TBC1D14: variants seen among roughly 807,000 people sequenced by gnomAD.
TBC1D14 encodes TBC1 domain family member 14.
TBC1D14 carries 26 observed loss-of-function variants against 79.0 expected under a neutral mutation model. The observed-to-expected ratio is 0.33, with a 90% confidence interval of 0.24 to 0.46. TBC1D14 has a LOEUF of 0.46. Among genes scored for constraint, TBC1D14 ranks in the 20% least tolerant of loss-of-function variants. TBC1D14 has a pLI of 1.00. For synonymous variants in TBC1D14, 394 were observed against 349.9 expected (o/e 1.13, Z -1.40); for missense variants, 769 against 887.6 (o/e 0.87, Z 1.70).
intron 11 of TBC1D14, 28 bp from the exon 12 acceptor site, chr4:7,014,418 TTC>T (rs750870187): frequency 5.5e-5 from 82 of 1,478,740 alleles, no homozygotes; most frequent in South Asian, 4.4e-4. Flanking sequence ...TGCAGATAGT[TTC>T]TGAGTAAATT....
chr4:6,954,401 CT>C, intron 2 of TBC1D14: 1 of 717,446 alleles, frequency 1.4e-6, no homozygotes, highest in South Asian at 1.5e-5. Flanking sequence ...GAAGCAGAGT[CT>C]TTCCTGCGTG....
chr4:6,948,679 C>T (rs965107366), intron 2 of TBC1D14, among the ~76,000 whole-genome samples: 67 of 150,068 alleles, frequency 4.5e-4, no homozygotes, highest in African/African-American at 1.6e-3. Flanking sequence ...TTCTTTTTGT[C>T]ATTCCGGTGA....
chr4:7,009,794 G>A (rs1015093000), intron 9 of TBC1D14, 83 bp from the exon 10 acceptor site: 34 of 1,355,778 alleles, frequency 2.5e-5, no homozygotes, highest in African/African-American at 1.7e-4. Context: ...GAGTGGCAGC[G>A]GCAGCAGTAG....
chr4:6,990,520 C>G (rs954493901), intron 3 of TBC1D14, among the ~76,000 whole-genome samples: 2 of 152,144 alleles, frequency 1.3e-5, no homozygotes, highest in Non-Finnish European at 2.9e-5. Context: ...TTTATTTTAC[C>G]TGTTAGTCTG....
rs1720670934 is a variant in TBC1D14 at position 7,010,717 on chromosome 4, T to C, written c.1583T>C (p.Ile528Thr). The C allele has an allele frequency of 2.5e-6, 4 of 1,614,178 alleles. No homozygotes were observed. Among genetic ancestry groups the C allele is most frequent in the Middle Eastern group, 1.6e-4 (1 of 6,062 alleles). ...ILNLDTADAF[I>T]AFSNLLNKPC... ...AACTTAGATACTGCAGATGCCTTTA[T>C]TGCCTTTTCTAACCTTCTGAATAAA... is the stretch of plus-strand genomic sequence containing the variant. Residue 528 changes from isoleucine to threonine, a missense_variant, in exon 11 of 14, where the codon ATT (isoleucine) becomes ACT (threonine). By Grantham distance (89) the Ile-to-Thr change is moderately conservative. Coordinates refer to ENST00000409757, the MANE Select transcript of TBC1D14 (RefSeq NM_020773.3).
In TBC1D14 at chr4:6,997,946, GGTT is replaced by G. The variant is rs1481022803; in HGVS notation, c.1046-1136_1046-1134del. Among the ~76,000 whole-genome samples the G allele has an allele frequency of 1.3e-4, 20 of 152,280 alleles. No individual in the cohort carries two copies. In the East Asian group the frequency reaches 3.9e-3, roughly 29 times the overall value. On this transcript the variant is annotated intron_variant, in intron 5 of 13. Coordinates refer to ENST00000409757, the MANE Select transcript of TBC1D14 (RefSeq NM_020773.3). ...AAGCTCTGGTGATGGATGGTGGTGT[GGTT>G]GTACAGTATGAATGTTCTTAATGCC...
chr4:7,014,115 C>T (rs1721056738), intron 11 of TBC1D14, among the ~76,000 whole-genome samples: 1 of 152,188 alleles, frequency 6.6e-6, no homozygotes, highest in South Asian at 2.1e-4. Context: ...ACAGGCTCCA[C>T]CTTTGCAGCG....
At chr4:6,956,619 G>T (rs1714666664) in intron 2 of TBC1D14, among the ~76,000 whole-genome samples, 1 of 152,228 alleles carries the variant, frequency 6.6e-6, no homozygotes, top group Non-Finnish European at 1.5e-5. Flanking sequence ...GGAGGCCCAG[G>T]GACCGGGGTT....
Position 7,032,193 on chromosome 4 carries a change from C to T in TBC1D14, c.*1801C>T, listed in dbSNP as rs1723123597. 1 of 152,650 alleles carries T rather than the reference C, an allele frequency of 6.6e-6. No individual in the cohort carries two copies. Among genetic ancestry groups the T allele is most frequent in the Admixed American group, 6.5e-5 (1 of 15,286 alleles). 9.5% of individuals were successfully genotyped at this position (152,650 alleles called of 1,614,324 possible). A position where few individuals can be genotyped will look rare whatever the true frequency, so the allele number is the denominator to read the frequency against. On this transcript the variant is annotated 3_prime_UTR_variant, in exon 14 of 14. Coordinates refer to ENST00000409757, the MANE Select transcript of TBC1D14 (RefSeq NM_020773.3). ...CGGTGGCCTCCAGACGTAGCCATTT[C>T]CTGACATCAAGATGTTGAATGTAAT...
intron 3 of TBC1D14, among the ~76,000 whole-genome samples, chr4:6,973,140 G>T (rs1200548663): frequency 6.6e-6 from 1 of 152,178 alleles, no homozygotes; most frequent in Non-Finnish European, 1.5e-5. Context: ...ATGAGTACAT[G>T]GCCTGTTGTG....
In TBC1D14 at chr4:6,930,845, G is replaced by A. The variant is rs1481571679; in HGVS notation, c.722+6734G>A. On this transcript the variant is annotated intron_variant, in intron 2 of 13. Coordinates refer to ENST00000409757, the MANE Select transcript of TBC1D14 (RefSeq NM_020773.3). ...GGGGTCTCAGTGATTTCGGAAACTG[G>A]CCTTTGTTTAAGTGTTTGCACAGGC... Among the ~76,000 whole-genome samples, 6 of 151,296 alleles carry A rather than the reference G, an allele frequency of 4.0e-5. No individual in the cohort carries two copies. In the East Asian group the frequency reaches 9.7e-4, roughly 24 times the overall value.
chr4:7,030,061 T>A (rs1414830642), intron 13 of TBC1D14, among the ~76,000 whole-genome samples: 1 of 152,030 alleles, frequency 6.6e-6, no homozygotes. Flanking sequence ...AGGACCCCAG[T>A]GAGGCCCCCA....
At chr4:6,997,694 A>G (rs944166682) in intron 5 of TBC1D14, among the ~76,000 whole-genome samples, 1 of 152,242 alleles carries the variant, frequency 6.6e-6, no homozygotes, top group African/African-American at 2.4e-5. Flanking sequence ...TGGCCTTAAA[A>G]AGGAAGGAAA....
chr4:6,990,112 A>G (rs546666833), intron 3 of TBC1D14, among the ~76,000 whole-genome samples: 3 of 152,324 alleles, frequency 2.0e-5, no homozygotes, highest in South Asian at 2.1e-4. Context: ...GTTGTGACCA[A>G]TCAAACTGAT....
chr4:6,948,685 G>A (rs1037130439), intron 2 of TBC1D14, among the ~76,000 whole-genome samples: 18 of 151,082 alleles, frequency 1.2e-4, no homozygotes, highest in Admixed American at 2.0e-4. Context: ...TTGTCATTCC[G>A]GTGACAAGGT....
intron 2 of TBC1D14, among the ~76,000 whole-genome samples, chr4:6,929,150 G>A (rs942841805): frequency 2.0e-5 from 3 of 152,212 alleles, no homozygotes; most frequent in Non-Finnish European, 2.9e-5. Flanking sequence ...GTGCTGGGTG[G>A]TGGTCTCTTG....
chr4:7,001,926 G>A (rs1000174849), intron 7 of TBC1D14, among the ~76,000 whole-genome samples: 2 of 152,204 alleles, frequency 1.3e-5, no homozygotes, highest in East Asian at 1.9e-4. Context: ...CCTGCCTGCG[G>A]TCTGAGCTGT....
chr4:6,946,108 T>C (rs1343383895), intron 2 of TBC1D14, among the ~76,000 whole-genome samples: 2 of 152,156 alleles, frequency 1.3e-5, no homozygotes, highest in African/African-American at 2.4e-5. Flanking sequence ...CTCTGAATTT[T>C]CTCTTCTTCA....
intron 12 of TBC1D14, among the ~76,000 whole-genome samples, chr4:7,020,070 C>T (rs1005312130): frequency 6.7e-6 from 1 of 148,972 alleles, no homozygotes; most frequent in Admixed American, 6.7e-5. Flanking sequence ...GGTATGTAAA[C>T]CCTGCTGGGC....
Sources: gnomAD v4.1 joint callset for allele counts (sites outside exome capture counted in the v4.1 genomes callset) on GRCh38, gnomAD v4.1.1 for gene constraint, MANE v1.5 for transcripts, NCBI Gene and HGNC (gene_info 2026-07-23, HGNC 2026-07-21) for gene names.